Variants in OPRM1 observed in about 807,000 individuals in gnomAD.
OPRM1 encodes the protein opioid receptor mu 1.
Under a neutral mutation model 31.8 loss-of-function variants are expected in OPRM1, and 27 were observed. That is an observed-to-expected ratio of 0.85 (90% CI 0.63 to 1.17). The LOEUF (loss-of-function observed/expected upper bound fraction) is 1.17, where lower values mean the gene tolerates loss of function less well. Among genes scored for constraint, OPRM1 ranks in the 50% most tolerant of loss-of-function variants. OPRM1 has a pLI of 0.00. For synonymous variants in OPRM1, 196 were observed against 189.9 expected (o/e 1.03, Z -0.26); for missense variants, 536 against 511.1 (o/e 1.05, Z -0.47).
intron 1 of OPRM1, chr6:154,083,656 TAGTC>T (rs1286866894): frequency 3.9e-5 from 6 of 152,342 alleles, no homozygotes; most frequent in Non-Finnish European, 7.3e-5. Flanking sequence ...AGAAGACTGA[TAGTC>T]AGCCGGGTGC....
At chr6:154,214,401 A>T in intron 3 of OPRM1, 3 of 761,072 alleles carry the variant, frequency 3.9e-6, no homozygotes, top group Non-Finnish European at 7.2e-6. Flanking sequence ...TTCCAGAAAG[A>T]GCATAAGTTT....
At chr6:154,056,715 G>A (rs1285210198) in intron 1 of OPRM1, among the ~76,000 whole-genome samples, 1 of 152,058 alleles carries the variant, frequency 6.6e-6, no homozygotes, top group African/African-American at 2.4e-5. Context: ...CGAAATGCTG[G>A]GTTCAGTGCC....
At chr6:154,098,278 C>T (rs531205024) in intron 3 of OPRM1, among the ~76,000 whole-genome samples, 59 of 85,798 alleles carry the variant, frequency 6.9e-4, no homozygotes, top group Middle Eastern at 6.6e-3. Flanking sequence ...GGTGCAGTAT[C>T]TTCTTTTCCT....
At chr6:154,082,202 C>CA (rs1789319333) in intron 1 of OPRM1, among the ~76,000 whole-genome samples, 1 of 152,138 alleles carries the variant, frequency 6.6e-6, no homozygotes, top group African/African-American at 2.4e-5. Context: ...TAAAATAACC[C>CA]AAGCCCTTAT....
chr6:154,085,462 T>A (rs528971211), intron 1 of OPRM1, among the ~76,000 whole-genome samples: 1 of 152,290 alleles, frequency 6.6e-6, no homozygotes, highest in South Asian at 2.1e-4. Context: ...TAGACCAAAG[T>A]TAAAGAAATA....
chr6:154,152,347 G>GAAAGAAAGAAAAGAAAGAAA lies in OPRM1; in HGVS notation c.1164+60875_1164+60876insAAAGAAAGAAAAGAAAGAAA. 2.6e-4 allele frequency among the ~76,000 whole-genome samples: 17 copies of GAAAGAAAGAAAAGAAAGAAA among 65,202 alleles called. 1 individual carries two copies. The highest frequency in any genetic ancestry group is 5.0e-4 in the African/African-American group (9 of 17,952). 42.8% of individuals were successfully genotyped at this position (65,202 alleles called of 152,430 possible). Reference sequence around the variant, plus strand: ...AGAAAGAAAGAAAGAAAGAAAGAAAGGAAAGAAAGAAAGAAAGAAAGAAAG... The same window carrying GAAAGAAAGAAAAGAAAGAAA: ...AGAAAGAAAGAAAGAAAGAAAGAAAGAAAGAAAGAAAAGAAAGAAAGAAAGAAAGAAAGAAAGAAAGAAAG... On this transcript the variant is annotated intron_variant, in intron 3 of 3. Coordinates refer to the OPRM1 transcript ENST00000337049.
rs1797218335 is a variant in OPRM1, at chr6:154,120,049, G to C, written c.*1328G>C. On this transcript the variant is annotated 3_prime_UTR_variant, in exon 4 of 4. Coordinates refer to ENST00000330432, the MANE Select transcript of OPRM1 (RefSeq NM_000914.5). ...TTACTTGATCTAGGTAGACAGCCAA[G>C]TCAGATGGCCCATGCCTAGAAGCTC... Among the ~76,000 whole-genome samples, 1 of 152,180 alleles carries C rather than the reference G, an allele frequency of 6.6e-6. No homozygotes were observed. Among genetic ancestry groups the C allele is most frequent in the Non-Finnish European group, 1.5e-5 (1 of 68,012 alleles).
intron 1 of OPRM1, among the ~76,000 whole-genome samples, chr6:154,088,626 T>C (rs1313777346): frequency 6.6e-6 from 1 of 152,174 alleles, no homozygotes; most frequent in East Asian, 1.9e-4. Flanking sequence ...ATGGTGGTGG[T>C]TTCACAGGTG....
At chr6:154,103,383 T>C (rs1048955864) in intron 3 of OPRM1, among the ~76,000 whole-genome samples, 2 of 152,240 alleles carry the variant, frequency 1.3e-5, no homozygotes, top group Admixed American at 6.5e-5. Flanking sequence ...AGGCAAGTTA[T>C]CATTAGTTAT....
intron 3 of OPRM1, among the ~76,000 whole-genome samples, chr6:154,210,958 T>A (rs900120968): frequency 6.6e-6 from 1 of 152,164 alleles, no homozygotes; most frequent in African/African-American, 2.4e-5. Context: ...ATAATCAATA[T>A]AATACCTTAA....
At chr6:154,083,929 G>C (rs948112933) in intron 1 of OPRM1, among the ~76,000 whole-genome samples, 1 of 139,626 alleles carries the variant, frequency 7.2e-6, no homozygotes. Flanking sequence ...GGGCGACAAA[G>C]GGAGACTCCG....
At chr6:154,232,751 G>A (rs1208766363) in intron 3 of OPRM1, among the ~76,000 whole-genome samples, 3 of 152,048 alleles carry the variant, frequency 2.0e-5, no homozygotes, top group African/African-American at 4.8e-5. Context: ...ACCTCTCTGA[G>A]TCACTGTACT....
Position 154,186,879 on chromosome 6 carries a change from A to G in OPRM1, c.1165-59814A>G, listed in dbSNP as rs1801416540. Among the ~76,000 whole-genome samples, 3 of 152,168 alleles carry G rather than the reference A, an allele frequency of 2.0e-5. No individual in the cohort carries two copies. The South Asian group carries it at 6.2e-4, about 32-fold the overall frequency. On this transcript the variant is annotated intron_variant, in intron 3 of 3. Transcript: ENST00000337049. ...CCCAGAGCAGCTCTTTTCAAATTTC[A>G]GTGAGATGGCACCGCTCCTCCCTGC...
chr6:154,019,823 TTCC>T (rs1778252584), intron 1 of OPRM1, among the ~76,000 whole-genome samples: 1 of 150,794 alleles, frequency 6.6e-6, no homozygotes, highest in East Asian at 1.9e-4. Flanking sequence ...AGCCTCTCCT[TTCC>T]GGGCTCAAGC....
At chr6:154,095,282 A>G (rs2128492651) in intron 3 of OPRM1, among the ~76,000 whole-genome samples, 1 of 152,246 alleles carries the variant, frequency 6.6e-6, no homozygotes, top group Admixed American at 6.5e-5. Context: ...CAAGAACGAA[A>G]CTCCATCTCA....
downstream of OPRM1, among the ~76,000 whole-genome samples, chr6:154,135,514 TATAGATATAGATATA>T (rs1210964804): frequency 3.9e-5 from 6 of 152,014 alleles, no homozygotes; most frequent in Admixed American, 2.6e-4. Context: ...TAGATATAGA[TATAGATATAGATATA>T]GATATAGATA....
intron 3 of OPRM1, among the ~76,000 whole-genome samples, chr6:154,204,646 A>C (rs1284167817): frequency 6.6e-6 from 1 of 152,122 alleles, no homozygotes; most frequent in Non-Finnish European, 1.5e-5. Flanking sequence ...TGTGATCCTT[A>C]GTATCCATGT....
intron 3 of OPRM1, among the ~76,000 whole-genome samples, chr6:154,112,871 A>G (rs1488394919): frequency 6.6e-6 from 1 of 152,232 alleles, no homozygotes; most frequent in Non-Finnish European, 1.5e-5. Context: ...TATTGTCAGC[A>G]GAATCCCATC....
In OPRM1 at chr6:154,219,945, G is replaced by A. The variant is rs563396872; in HGVS notation, c.1165-26748G>A. Among the ~76,000 whole-genome samples the A allele has an allele frequency of 7.9e-5, 12 of 152,006 alleles. No individual in the cohort carries two copies. In the South Asian group the frequency reaches 2.5e-3, roughly 31 times the overall value. On this transcript the variant is annotated intron_variant, in intron 3 of 3. Transcript: ENST00000337049. ...AGGTGAGGATAGGGGACAGATGAGA[G>A]TCCTTCTAGCTGGACAGAGCTGAGC...
Sources: gnomAD v4.1 joint callset for allele counts (sites outside exome capture counted in the v4.1 genomes callset) on GRCh38, gnomAD v4.1.1 for gene constraint, MANE v1.5 for transcripts, NCBI Gene and HGNC (gene_info 2026-07-23, HGNC 2026-07-21) for gene names.